The following CDH13 variants were observed in gnomAD, a reference collection of about 807,000 sequenced individuals.
CDH13 encodes the protein cadherin 13, also known as cadherin-13.
Under a neutral mutation model 63.8 loss-of-function variants are expected in CDH13, and 24 were observed. The observed-to-expected ratio is 0.38, with a 90% CI of 0.27 to 0.53. CDH13 has a LOEUF of 0.53. CDH13 is among the 20% of genes least tolerant of loss of function. The probability of loss-of-function intolerance (pLI) is 0.85; values close to 1 mark genes in which losing one functional copy is unlikely to be tolerated. For missense variants in CDH13, 1,049 were observed against 903.1 expected (o/e 1.16, Z -2.07); for synonymous variants, 503 against 355.3 (o/e 1.42, Z -4.67).
At chr16:83,617,641 C>T (rs1037815538) in intron 8 of CDH13, among the ~76,000 whole-genome samples, 3 of 151,174 alleles carry the variant, frequency 2.0e-5, no homozygotes, top group Non-Finnish European at 4.4e-5. Flanking sequence ...ATATATATTT[C>T]TAATATGCAC....
At position 83,636,214 on chromosome 16, in the gene CDH13, C is replaced by T. The variant is rs866446228; in HGVS notation, c.1101+33620C>T. Reference sequence around the variant, plus strand: ...CACCAGTACTGTACTGTCTTATTACCGGAGCTGTAGAGTAAGGCTTCACAT... The same window carrying T: ...CACCAGTACTGTACTGTCTTATTACTGGAGCTGTAGAGTAAGGCTTCACAT... On this transcript the variant is annotated intron_variant, in intron 8 of 13. Transcript: ENST00000567109. 4.6e-5 allele frequency among the ~76,000 whole-genome samples: 7 copies of T among 152,104 alleles called. No individual in the cohort carries two copies. The East Asian group carries it at 5.8e-4, about 13-fold the overall frequency.
intron 2 of CDH13, among the ~76,000 whole-genome samples, chr16:83,020,163 A>G (rs6565102): frequency 6.6e-6 from 1 of 152,192 alleles, no homozygotes. Context: ...TTGGACAAAT[A>G]TGACGTCATG....
chr16:83,033,043 T>C (rs1916515655), intron 3 of CDH13, among the ~76,000 whole-genome samples: 1 of 152,210 alleles, frequency 6.6e-6, no homozygotes, highest in Admixed American at 6.5e-5. Context: ...GTATATGTTG[T>C]ACATGTATGT....
At chr16:83,166,625 C>A (rs1338481160) in intron 4 of CDH13, among the ~76,000 whole-genome samples, 1 of 152,126 alleles carries the variant, frequency 6.6e-6, no homozygotes, top group Non-Finnish European at 1.5e-5. Context: ...ATAGATTGTG[C>A]TCTTACCTGC....
intron 7 of CDH13, among the ~76,000 whole-genome samples, chr16:83,519,736 A>T (rs923102111): frequency 6.6e-6 from 1 of 152,254 alleles, no homozygotes; most frequent in South Asian, 2.1e-4. Context: ...GTGCGGGGAG[A>T]GGAAAGAAAG....
At chr16:83,157,379 C>T (rs895448296) in intron 4 of CDH13, among the ~76,000 whole-genome samples, 1 of 152,138 alleles carries the variant, frequency 6.6e-6, no homozygotes, top group Admixed American at 6.5e-5. Flanking sequence ...TGCTGTCATC[C>T]GGAATCAGTT....
At chr16:82,861,935 A>G (rs1169347348) in intron 2 of CDH13, among the ~76,000 whole-genome samples, 1 of 152,240 alleles carries the variant, frequency 6.6e-6, no homozygotes, top group Non-Finnish European at 1.5e-5. Context: ...GCTTCATCTC[A>G]GTCTTGAAAG....
At chr16:83,682,688 C>G (rs1915505229) in intron 10 of CDH13, among the ~76,000 whole-genome samples, 1 of 152,168 alleles carries the variant, frequency 6.6e-6, no homozygotes. Flanking sequence ...GTCTGTCTCT[C>G]TGCTGCTCTG....
At chr16:83,287,042 C>G (rs1362143752) in intron 5 of CDH13, among the ~76,000 whole-genome samples, 2 of 152,046 alleles carry the variant, frequency 1.3e-5, no homozygotes, top group East Asian at 3.9e-4. Context: ...TTAGGGCCAC[C>G]TTCATGAGCG....
At chr16:82,833,872 G>A (rs568808977) in intron 1 of CDH13, among the ~76,000 whole-genome samples, 24 of 152,252 alleles carry the variant, frequency 1.6e-4, no homozygotes, top group African/African-American at 5.5e-4. Context: ...TGAAAAGATC[G>A]ACATGTGAGC....
chr16:83,140,057 C>T (rs544101742), intron 4 of CDH13, among the ~76,000 whole-genome samples: 1 of 152,236 alleles, frequency 6.6e-6, no homozygotes, highest in Non-Finnish European at 1.5e-5. Flanking sequence ...TGTAGACATC[C>T]GAGGGTTTTA....
chr16:83,483,165 CGTT>C (rs1463806570), intron 6 of CDH13, among the ~76,000 whole-genome samples: 1 of 152,292 alleles, frequency 6.6e-6, no homozygotes, highest in African/African-American at 2.4e-5. Context: ...ACCTCAGAGT[CGTT>C]GTCTTCAATG....
chr16:83,398,969 T>G (rs1050052975), intron 6 of CDH13, among the ~76,000 whole-genome samples: 1 of 152,220 alleles, frequency 6.6e-6, no homozygotes. Context: ...CCATAATGGA[T>G]GCTATTTACA....
At chr16:83,563,830 G>A (rs953128734) in intron 7 of CDH13, among the ~76,000 whole-genome samples, 7 of 151,996 alleles carry the variant, frequency 4.6e-5, no homozygotes, top group South Asian at 4.2e-4. Context: ...CATCTCTCTC[G>A]GTAACTTGGC....
At chr16:83,359,899 A>G (rs2091129819) in intron 6 of CDH13, among the ~76,000 whole-genome samples, 1 of 152,298 alleles carries the variant, frequency 6.6e-6, no homozygotes, top group Admixed American at 6.5e-5. Context: ...AGTTTTGAAC[A>G]TTTCTATTAT....
intron 5 of CDH13, among the ~76,000 whole-genome samples, chr16:83,232,079 C>G (rs1053890743): frequency 6.6e-6 from 1 of 151,958 alleles, no homozygotes; most frequent in Admixed American, 6.6e-5. Flanking sequence ...GGGAGAGGAT[C>G]AGGAAACATA....
intron 10 of CDH13, among the ~76,000 whole-genome samples, chr16:83,744,668 C>T (rs912297451): frequency 6.6e-6 from 1 of 152,214 alleles, no homozygotes; most frequent in African/African-American, 2.4e-5. Flanking sequence ...GCCATTAACA[C>T]ACCCATAGCC....
chr16:83,704,384 C>G (rs1906700305), intron 10 of CDH13, among the ~76,000 whole-genome samples: 2 of 152,108 alleles, frequency 1.3e-5, no homozygotes, highest in Non-Finnish European at 2.9e-5. Flanking sequence ...TTCTCCAACT[C>G]CCATGCACCA....
chr16:83,270,974 CTTCCCTTCTTTTCTCCCTCTCTCA>C, intron 5 of CDH13, among the ~76,000 whole-genome samples: 1 of 149,880 alleles, frequency 6.7e-6, no homozygotes, highest in Non-Finnish European at 1.5e-5. Context: ...TCCCTCTCTC[CTTCCCTTCTTTTCTCCCTCTCTCA>C]TTCCCTTCCT....
Sources: gnomAD v4.1 joint callset for allele counts (sites outside exome capture counted in the v4.1 genomes callset) on GRCh38, gnomAD v4.1.1 for gene constraint, MANE v1.5 for transcripts, NCBI Gene and HGNC (gene_info 2026-07-23, HGNC 2026-07-21) for gene names.